The following FAM120B variants were observed in gnomAD, a reference collection of about 807,000 sequenced individuals.
FAM120B encodes the protein constitutive coactivator of peroxisome proliferator-activated receptor gamma.
FAM120B carries 83 observed loss-of-function variants against 96.3 expected under a neutral mutation model. The ratio of observed to expected loss-of-function variants is 0.86; its 90% confidence interval spans 0.72 to 1.03. The LOEUF (loss-of-function observed/expected upper bound fraction) is 1.03. Ranked by LOEUF, FAM120B falls within the 50% of genes least tolerant of loss-of-function variation. FAM120B has a pLI of 0.00. For missense variants in FAM120B, 1,027 were observed against 1,121.2 expected, an observed-to-expected ratio of 0.92 and a Z score of 1.20; for synonymous variants, 407 against 402.7, an observed-to-expected ratio of 1.01 and a Z score of -0.13.
At chr6:170,392,290 C>G (rs1452803805) in intron 8 of FAM120B, among the ~76,000 whole-genome samples, 3 of 152,210 alleles carry the variant, frequency 2.0e-5, no homozygotes, top group African/African-American at 7.2e-5. Context: ...TCACTGCAAC[C>G]TCCGCCTCCC....
Position 170,348,314 on chromosome 6 carries a change from C to G in FAM120B, c.2181C>G (p.Leu727=). 6.2e-7 allele frequency: 1 copy of G among 1,612,798 alleles called. No individual in the cohort carries two copies. Among genetic ancestry groups the G allele is most frequent in the Non-Finnish European group, 8.5e-7 (1 of 1,179,804 alleles). The change falls in exon 5 of 11, where the codon CTC becomes CTG. Residue 727 remains leucine, a synonymous_variant. Coordinates refer to ENST00000476287, the MANE Select transcript of FAM120B (RefSeq NM_032448.3). ...FQALCCLLIY[L]FVQVDTLCLE... Reference sequence around the variant, plus strand: ...CTTTGTGCTGCCTCTTGATCTACCTCTTTGTCCAGGTAATGTCCAGCTGCC... The same window carrying G: ...CTTTGTGCTGCCTCTTGATCTACCTGTTTGTCCAGGTAATGTCCAGCTGCC...
chr6:170,397,822 G>A (rs1252422182), intron 9 of FAM120B, among the ~76,000 whole-genome samples: 3 of 152,208 alleles, frequency 2.0e-5, no homozygotes, highest in Admixed American at 2.0e-4. Context: ...CCCTCTAGGT[G>A]AGGATTCAGC....
intron 6 of FAM120B, among the ~76,000 whole-genome samples, chr6:170,376,008 G>A (rs1263268255): frequency 1.3e-5 from 2 of 152,188 alleles, no homozygotes; most frequent in Non-Finnish European, 1.5e-5. Flanking sequence ...TCAGTGAGGA[G>A]CCTTGCCCAG....
rs141459274 is a variant in FAM120B, at chr6:170,310,554, C to T, written c.-22+3712C>T. On this transcript the variant is annotated intron_variant, in intron 1 of 10. Coordinates refer to ENST00000476287, the MANE Select transcript of FAM120B (RefSeq NM_032448.3). ...ATCCTGCCCTCCTTGTTAATTACTG[C>T]TTGTGGCTTCAGGCAGGTGATTTCA... is the stretch of plus-strand genomic sequence containing the variant. Among the ~76,000 whole-genome samples the T allele has an allele frequency of 5.4e-3, 816 of 152,326 alleles. 36 individuals are homozygous for T. Among genetic ancestry groups the T allele is most frequent in the Admixed American group, 0.043 (660 of 15,300 alleles).
At chr6:170,315,418 C>T (rs1784843041) in intron 1 of FAM120B, among the ~76,000 whole-genome samples, 1 of 152,112 alleles carries the variant, frequency 6.6e-6, no homozygotes, top group African/African-American at 2.4e-5. Context: ...AAAAGAATAC[C>T]CTTTTTCAGA....
intron 6 of FAM120B, among the ~76,000 whole-genome samples, chr6:170,380,532 C>T (rs9356592): frequency 0.1 from 15,700 of 152,186 alleles, 1,030 homozygotes; most frequent in East Asian, 0.21. Context: ...TCTTTTTAGA[C>T]GATAGTCATC....
intron 8 of FAM120B, 81 bp from the exon 9 acceptor site, chr6:170,395,406 C>T: frequency 8.8e-7 from 1 of 1,134,412 alleles, no homozygotes. Flanking sequence ...CCTGGTGCTG[C>T]CTTGCCACCC....
At chr6:170,356,992 C>T (rs563626290) in intron 5 of FAM120B, among the ~76,000 whole-genome samples, 6 of 152,228 alleles carry the variant, frequency 3.9e-5, no homozygotes, top group Admixed American at 3.9e-4. Context: ...GCACCCCCAC[C>T]CTGGTGGAAG....
chr6:170,358,276 G>A lies in FAM120B; in HGVS notation c.2241G>A (p.Leu747=). 1 of 1,607,452 alleles carries A rather than the reference G, an allele frequency of 6.2e-7. No homozygotes were observed. Among genetic ancestry groups the A allele is most frequent in the Non-Finnish European group, 8.5e-7 (1 of 1,175,796 alleles). The change falls in exon 6 of 11, where the codon TTG becomes TTA. Residue 747 remains leucine, a synonymous_variant. Coordinates refer to ENST00000476287, the MANE Select transcript of FAM120B (RefSeq NM_032448.3). ...TGCATGCGTTTATTGCGCAGGCCTT[G>A]TGCCTCCAAGGAAAATCCACCTCGC... ...EDLHAFIAQA[L]CLQGKSTSQL...
Position 170,323,243 on chromosome 6 carries a change from A to C in FAM120B, c.1899A>C (p.Leu633Phe). Residue 633 changes from leucine (L) to phenylalanine (F), a missense_variant, in exon 3 of 11, where the codon TTA (leucine) becomes TTC (phenylalanine). Leu to Phe is a conservative substitution (Grantham distance 22, BLOSUM62 0). Around this residue, in one of 3 missense-constraint regions of FAM120B, gnomAD observed 880 missense variants for 980.9 expected, o/e 0.90. Coordinates refer to ENST00000476287, the MANE Select transcript of FAM120B (RefSeq NM_032448.3). The stretch of plus-strand genomic sequence containing the variant: ...TTCGACAGCGGGTCTACTCACTCTT[A>C]CTGGAGGACTGTCAAGGTGAGAATT... Reference protein sequence around the residue: ...RPIRQRVYSLLLEDCQDVTST... With the variant: ...RPIRQRVYSLFLEDCQDVTST... The C allele has an allele frequency of 1.2e-6, 2 of 1,613,286 alleles. No homozygotes were observed. The highest frequency in any genetic ancestry group is 1.7e-6 in the Non-Finnish European group (2 of 1,179,634).
At chr6:170,334,259 A>G (rs1016544499) in intron 4 of FAM120B, among the ~76,000 whole-genome samples, 1 of 152,250 alleles carries the variant, frequency 6.6e-6, no homozygotes, top group Non-Finnish European at 1.5e-5. Context: ...GTGTTCAACA[A>G]TCAGAAAGCT....
intron 4 of FAM120B, among the ~76,000 whole-genome samples, chr6:170,334,416 G>A (rs536841875): frequency 2.6e-5 from 4 of 152,358 alleles, no homozygotes; most frequent in African/African-American, 7.2e-5. Flanking sequence ...CTATCAAACA[G>A]TTGTAGTGGC....
At position 170,318,550 on chromosome 6, in the gene FAM120B, A is replaced by G; in HGVS notation, c.1160A>G (p.Gln387Arg). ...VPMCSDPEPR[Q>R]EVPTCTGPES... The stretch of plus-strand genomic sequence containing the variant: ...ATGTGTTCAGACCCTGAACCCAGGC[A>G]AGAAGTTCCCACGTGTACAGGCCCT... Residue 387 changes from glutamine to arginine, a missense_variant, in exon 2 of 11, where the codon CAA becomes CGA. This residue lies in a region of FAM120B where 880 missense variants were observed against 980.9 expected (regional missense o/e 0.90). Coordinates refer to ENST00000476287, the MANE Select transcript of FAM120B (RefSeq NM_032448.3). The G allele has an allele frequency of 1.4e-6, 2 of 1,471,488 alleles. No homozygotes were observed. The highest frequency in any genetic ancestry group is 1.8e-6 in the Non-Finnish European group (2 of 1,092,244). The allele number at this position is 1,471,488 out of a possible 1,614,324, so 91.2% of individuals were successfully genotyped here. A position where few individuals can be genotyped will look rare whatever the true frequency, so the allele number is the denominator to read the frequency against.
rs1294124080 is a variant in FAM120B, at chr6:170,318,010, G to T, written c.620G>T (p.Cys207Phe). Reference protein sequence around the residue: ...CLESLDTVMLCREKLCESLGL... With the variant: ...CLESLDTVMLFREKLCESLGL... ...GAGAGCCTGGACACCGTCATGCTCT[G>T]CAGAGAGAAGCTCTGTGAGAGTCTG... The change falls in exon 2 of 11, where the codon TGC becomes TTC. Residue 207 changes from cysteine (C) to phenylalanine (F), a missense_variant. By Grantham distance (205) the Cys-to-Phe change is radical (BLOSUM62 -2). Around this residue, in one of 3 missense-constraint regions of FAM120B, gnomAD observed 880 missense variants for 980.9 expected, o/e 0.90. Coordinates refer to ENST00000476287, the MANE Select transcript of FAM120B (RefSeq NM_032448.3). 6.2e-7 allele frequency: 1 copy of T among 1,613,848 alleles called. No homozygotes were observed. The highest frequency in any genetic ancestry group is 1.3e-5 in the African/African-American group (1 of 74,938).
intron 9 of FAM120B, among the ~76,000 whole-genome samples, chr6:170,401,656 A>G (rs902917567): frequency 5.3e-5 from 8 of 152,200 alleles, no homozygotes; most frequent in African/African-American, 1.9e-4. Flanking sequence ...GAAAATTTAT[A>G]CAGGCTGAGT....
rs186045615 is a variant in FAM120B, at chr6:170,309,634, A to C, written c.-22+2792A>C. Among the ~76,000 whole-genome samples, 539 of 152,350 alleles carry C rather than the reference A, an allele frequency of 3.5e-3. 2 individuals carry two copies. The highest frequency in any genetic ancestry group is 0.012 in the African/African-American group (492 of 41,576). ...GGTTCTATAAAAGTGGGCAGTGTTAATACTGTTCCTATTAGGACTTTAGTC... is the reference window on the plus strand; with the variant it reads ...GGTTCTATAAAAGTGGGCAGTGTTACTACTGTTCCTATTAGGACTTTAGTC... On this transcript the variant is annotated intron_variant, in intron 1 of 10. Transcript: ENST00000476287.
rs1789085614 is a variant in FAM120B, at chr6:170,370,133, G to A, written c.2283+11815G>A. Among the ~76,000 whole-genome samples the A allele has an allele frequency of 6.6e-6, 1 of 152,158 alleles. No homozygotes were observed. The highest frequency in any genetic ancestry group is 6.5e-5 in the Admixed American group (1 of 15,286). On this transcript the variant is annotated intron_variant, in intron 6 of 10. Coordinates refer to ENST00000476287, the MANE Select transcript of FAM120B (RefSeq NM_032448.3). The surrounding 1 kb of genome is among the most constrained non-coding windows in gnomAD (Gnocchi z 4.3). ...CGCAGAGACATTGCAGAGGTGAGAC[G>A]GAGACTCTCAGTTGCCCTTGAGCTT... is the stretch of plus-strand genomic sequence containing the variant.
At chr6:170,333,993 T>A (rs1786246832) in intron 4 of FAM120B, among the ~76,000 whole-genome samples, 2 of 152,182 alleles carry the variant, frequency 1.3e-5, no homozygotes, top group African/African-American at 4.8e-5. Context: ...ACTCCCTTAC[T>A]AACTTTCCTG....
At chr6:170,348,832 G>T (rs1051951017) in intron 5 of FAM120B, among the ~76,000 whole-genome samples, 1 of 152,130 alleles carries the variant, frequency 6.6e-6, no homozygotes, top group Non-Finnish European at 1.5e-5. Flanking sequence ...ATCTGAAAAT[G>T]AAATAATCTT....
Sources: allele counts gnomAD v4.1 joint callset (sites outside exome capture counted in the v4.1 genomes callset), GRCh38; gene constraint gnomAD v4.1.1; regional missense constraint gnomAD v4.1.1; non-coding constraint Gnocchi (gnomAD v3.1); transcripts MANE v1.5; gene names NCBI Gene and HGNC (gene_info 2026-07-23, HGNC 2026-07-21).